JAZF1: variants seen among roughly 807,000 people sequenced by gnomAD.
JAZF1 encodes the protein juxtaposed with another zinc finger protein 1.
Under a neutral mutation model 26.4 loss-of-function variants are expected in JAZF1, and 8 were observed. The observed-to-expected ratio is 0.30, with a 90% CI of 0.18 to 0.55. The LOEUF (loss-of-function observed/expected upper bound fraction) is 0.55, where lower values mean the gene tolerates loss of function less well. Ranked by LOEUF, JAZF1 falls within the 20% of genes least tolerant of loss-of-function variation. The pLI is 0.94. For missense variants in JAZF1, 199 were observed against 322.0 expected (o/e 0.62, Z 2.92); for synonymous variants, 126 against 122.3 (o/e 1.03, Z -0.20).
At chr7:27,945,212 A>G (rs2128353366) in intron 2 of JAZF1, among the ~76,000 whole-genome samples, 1 of 152,258 alleles carries the variant, frequency 6.6e-6, no homozygotes, top group South Asian at 2.1e-4. Flanking sequence ...AAAGAAAGTA[A>G]ATCCAGAAGC....
intron 1 of JAZF1, among the ~76,000 whole-genome samples, chr7:28,115,905 T>C (rs896013093): frequency 1.3e-5 from 2 of 152,232 alleles, no homozygotes; most frequent in Admixed American, 6.5e-5. Flanking sequence ...TATGGTTCTA[T>C]ACTTTGGTGG....
intron 4 of JAZF1, among the ~76,000 whole-genome samples, chr7:27,833,797 C>T (rs1016116834): frequency 3.3e-5 from 5 of 152,108 alleles, no homozygotes; most frequent in Non-Finnish European, 5.9e-5. Context: ...TGTAAGATTC[C>T]GTATTCTATG....
At chr7:28,078,494 T>C (rs1250016480) in intron 1 of JAZF1, among the ~76,000 whole-genome samples, 1 of 152,208 alleles carries the variant, frequency 6.6e-6, no homozygotes, top group Non-Finnish European at 1.5e-5. Flanking sequence ...GCAGGCTGCA[T>C]TGCTACTCAA....
At chr7:27,891,376 T>C (rs1274663573) in intron 3 of JAZF1, among the ~76,000 whole-genome samples, 3 of 152,196 alleles carry the variant, frequency 2.0e-5, no homozygotes, top group African/African-American at 7.2e-5. Context: ...GCAAAGCATA[T>C]TTACTATATG....
chr7:27,920,225 TTCA>T (rs1350219545), intron 2 of JAZF1, among the ~76,000 whole-genome samples: 2 of 152,228 alleles, frequency 1.3e-5, no homozygotes, highest in Non-Finnish European at 2.9e-5. Flanking sequence ...TCATTAAAAC[TTCA>T]TCAAGTCATA....
intron 3 of JAZF1, among the ~76,000 whole-genome samples, chr7:27,880,038 C>T (rs1173594198): frequency 6.6e-6 from 1 of 152,128 alleles, no homozygotes; most frequent in Non-Finnish European, 1.5e-5. Flanking sequence ...TTAAGAGGCA[C>T]AGCTACCACG....
At chr7:27,966,913 G>A (rs1785286055) in intron 2 of JAZF1, among the ~76,000 whole-genome samples, 1 of 152,136 alleles carries the variant, frequency 6.6e-6, no homozygotes, top group South Asian at 2.1e-4. Flanking sequence ...TTCAACTTTA[G>A]ACACGAAAAG....
At chr7:27,995,158 G>A (rs1785989665) in intron 1 of JAZF1, among the ~76,000 whole-genome samples, 1 of 152,142 alleles carries the variant, frequency 6.6e-6, no homozygotes, top group African/African-American at 2.4e-5. Flanking sequence ...GCTACACTAA[G>A]GAATATAATA....
At chr7:27,980,946 C>T (rs770557276) in intron 2 of JAZF1, among the ~76,000 whole-genome samples, 18 of 152,104 alleles carry the variant, frequency 1.2e-4, no homozygotes, top group Non-Finnish European at 2.1e-4. Flanking sequence ...TTGTCTGTTG[C>T]TTGGCCCTCT....
At chr7:28,129,900 T>C (rs369071626) in intron 1 of JAZF1, among the ~76,000 whole-genome samples, 1 of 152,188 alleles carries the variant, frequency 6.6e-6, no homozygotes, top group Non-Finnish European at 1.5e-5. Flanking sequence ...TACTGTGTTA[T>C]GTGTTTTTTA....
intron 2 of JAZF1, among the ~76,000 whole-genome samples, chr7:27,896,841 ACTGAG>A (rs1251281979): frequency 6.6e-6 from 1 of 152,242 alleles, no homozygotes; most frequent in Admixed American, 6.5e-5. Flanking sequence ...TATATGCTGA[ACTGAG>A]CTTAGTAATA....
rs75389567 is a variant in JAZF1, at chr7:27,840,007, T to C, written c.555+691A>G. 1.2e-3 allele frequency among the ~76,000 whole-genome samples: 183 copies of C among 152,284 alleles called. No homozygotes were observed. Among genetic ancestry groups the C allele is most frequent in the Non-Finnish European group, 2.2e-3 (147 of 68,018 alleles). ...TTTTTTAAAATGCCCTCTAGACCCATACTTGACTATTGTGCTGTTTCTCGT... is the reference window on the plus strand; with the variant it reads ...TTTTTTAAAATGCCCTCTAGACCCACACTTGACTATTGTGCTGTTTCTCGT... On this transcript the variant is annotated intron_variant, in intron 4 of 4. Transcript: ENST00000283928. This position sits in a 1 kb window ranked among gnomAD's most constrained non-coding sequence, Gnocchi z 5.1.
At chr7:28,167,239 A>G (rs1783383914) in intron 1 of JAZF1, among the ~76,000 whole-genome samples, 1 of 152,220 alleles carries the variant, frequency 6.6e-6, no homozygotes, top group Non-Finnish European at 1.5e-5. Context: ...ACCGCTTCAC[A>G]GTAAAACCTC....
chr7:28,004,245 TAAG>T (rs1782661328), intron 1 of JAZF1, among the ~76,000 whole-genome samples: 1 of 152,100 alleles, frequency 6.6e-6, no homozygotes, highest in South Asian at 2.1e-4. Context: ...GTTCCCAAGC[TAAG>T]AAGAAACACC....
intron 2 of JAZF1, among the ~76,000 whole-genome samples, chr7:27,904,612 C>T (rs979209018): frequency 1.3e-5 from 2 of 152,086 alleles, no homozygotes; most frequent in Admixed American, 1.3e-4. Context: ...TCTGACTTCA[C>T]GATCTGAGGC....
rs375951400 is a variant in JAZF1 at position 28,031,784 on chromosome 7, T to C, written c.116-39803A>G. On this transcript the variant is annotated intron_variant, in intron 1 of 4. Coordinates refer to ENST00000283928, the MANE Select transcript of JAZF1 (RefSeq NM_175061.4). ...AAAAATAGCTAATGCATGCTGGGCT[T>C]AACACCTGAGTGATGGGTTGATAGG... Among the ~76,000 whole-genome samples, 4 of 152,226 alleles carry C rather than the reference T, an allele frequency of 2.6e-5. No individual in the cohort carries two copies. In the East Asian group the frequency reaches 7.7e-4, roughly 29 times the overall value.
In JAZF1 at chr7:28,178,176, C is replaced by T. The variant is rs1335217035; in HGVS notation, c.115+2287G>A. 2.6e-5 allele frequency among the ~76,000 whole-genome samples: 4 copies of T among 152,010 alleles called. No homozygotes were observed. The East Asian group carries it at 5.8e-4, about 22-fold the overall frequency. ...TTCTGGGAATGAGGTAGCATTACTT[C>T]AAAGCTGAGTTTTAGAAAACGTATC... On this transcript the variant is annotated intron_variant, in intron 1 of 4. Coordinates refer to ENST00000283928, the MANE Select transcript of JAZF1 (RefSeq NM_175061.4).
At chr7:27,853,562 G>C (rs1038891618) in intron 3 of JAZF1, among the ~76,000 whole-genome samples, 1 of 152,090 alleles carries the variant, frequency 6.6e-6, no homozygotes, top group African/African-American at 2.4e-5. Flanking sequence ...TGAAATAAGC[G>C]GGTTAGAAAA....
intron 1 of JAZF1, among the ~76,000 whole-genome samples, chr7:28,051,586 C>T (rs1783618903): frequency 6.6e-6 from 1 of 152,068 alleles, no homozygotes; most frequent in Non-Finnish European, 1.5e-5. Flanking sequence ...CAAACTGGCT[C>T]CTGAAACCTA....
Sources: gnomAD v4.1 joint callset for allele counts (sites outside exome capture counted in the v4.1 genomes callset) on GRCh38, gnomAD v4.1.1 for gene constraint, Gnocchi (gnomAD v3.1) non-coding constraint, MANE v1.5 for transcripts, NCBI Gene and HGNC (gene_info 2026-07-23, HGNC 2026-07-21) for gene names.